Variants in DENND4C observed in about 807,000 individuals in gnomAD.
DENND4C encodes the protein DENN domain containing 4C, also known as DENN domain-containing protein 4C.
DENND4C carries 108 observed loss-of-function variants against 203.0 expected under a neutral mutation model. The ratio of observed to expected loss-of-function variants is 0.53; its 90% CI spans 0.46 to 0.62. DENND4C has a LOEUF of 0.62. DENND4C is among the 20% of genes least tolerant of loss of function. The pLI, the probability that DENND4C is intolerant of heterozygous loss-of-function variation, is 0.00. For missense variants in DENND4C, 2,481 were observed against 2,301.2 expected (o/e 1.08, Z -1.60); for synonymous variants, 871 against 792.4 (o/e 1.10, Z -1.67).
chr9:19,265,095 A>G (rs1830215814), intron 1 of DENND4C, among the ~76,000 whole-genome samples: 1 of 152,098 alleles, frequency 6.6e-6, no homozygotes, highest in South Asian at 2.1e-4. Flanking sequence ...AGCCACTGCC[A>G]CCTTGACCTC....
chr9:19,323,197 G>A (rs1843172745), intron 12 of DENND4C, among the ~76,000 whole-genome samples: 1 of 152,198 alleles, frequency 6.6e-6, no homozygotes, highest in Admixed American at 6.5e-5. Flanking sequence ...AACTTTGGGA[G>A]GCCAAGGCGG....
At chr9:19,319,377 C>CGT (rs1554634088) in intron 12 of DENND4C, among the ~76,000 whole-genome samples, 1 of 109,852 alleles carries the variant, frequency 9.1e-6, no homozygotes, top group African/African-American at 3.8e-5. Flanking sequence ...TATATATACA[C>CGT]ATACATATAT....
At chr9:19,354,016 C>T (rs939539750) in intron 26 of DENND4C, among the ~76,000 whole-genome samples, 2 of 152,164 alleles carry the variant, frequency 1.3e-5, no homozygotes, top group Admixed American at 6.5e-5. Flanking sequence ...AGGGCCCTCT[C>T]GTGTTTATCC....
chr9:19,304,234 G>T (rs552602129), intron 9 of DENND4C, among the ~76,000 whole-genome samples: 1 of 147,638 alleles, frequency 6.8e-6, no homozygotes, highest in South Asian at 2.1e-4. Flanking sequence ...GCCCAGGCTG[G>T]AGTGCAGTGG....
intron 20 of DENND4C, among the ~76,000 whole-genome samples, chr9:19,340,271 A>T (rs1289182617): frequency 6.6e-6 from 1 of 152,178 alleles, no homozygotes; most frequent in Middle Eastern, 3.2e-3. Flanking sequence ...TTTCTCTGTC[A>T]AAAACAAACC....
chr9:19,333,014 T>C (rs1819625096), intron 17 of DENND4C, among the ~76,000 whole-genome samples: 1 of 150,054 alleles, frequency 6.7e-6, no homozygotes, highest in Non-Finnish European at 1.5e-5. Context: ...TATTTAAAAA[T>C]ATATTTTTTA....
At chr9:19,370,814 G>A (rs1828689861) in intron 31 of DENND4C, among the ~76,000 whole-genome samples, 1 of 152,238 alleles carries the variant, frequency 6.6e-6, no homozygotes, top group African/African-American at 2.4e-5. Context: ...CTTCAGAATA[G>A]TGTGCGTAAT....
chr9:19,325,547 AATTAAAACT>A (rs1817643077), intron 13 of DENND4C, among the ~76,000 whole-genome samples: 1 of 152,146 alleles, frequency 6.6e-6, no homozygotes, highest in South Asian at 2.1e-4. Flanking sequence ...CCAGGGATAT[AATTAAAACT>A]ATTCAACATT....
At chr9:19,312,700 A>T (rs1840983812) in intron 10 of DENND4C, among the ~76,000 whole-genome samples, 1 of 152,102 alleles carries the variant, frequency 6.6e-6, no homozygotes, top group African/African-American at 2.4e-5. Flanking sequence ...TTTTATAGTT[A>T]TTTGGACATT....
At chr9:19,309,471 A>G (rs1346671997) in intron 10 of DENND4C, among the ~76,000 whole-genome samples, 1 of 152,146 alleles carries the variant, frequency 6.6e-6, no homozygotes, top group East Asian at 1.9e-4. Flanking sequence ...AATTCCGTGA[A>G]TATGATAAAA....
intron 1 of DENND4C, among the ~76,000 whole-genome samples, chr9:19,260,842 T>C (rs1829175022): frequency 2.6e-5 from 4 of 152,330 alleles, no homozygotes; most frequent in African/African-American, 9.6e-5. Flanking sequence ...CTATTTTTGC[T>C]TTGGTTACCT....
chr9:19,360,155 GGATA>G (rs1826162903), intron 28 of DENND4C, 85 bp from the exon 29 acceptor site: 2 of 1,327,590 alleles, frequency 1.5e-6, no homozygotes, highest in Non-Finnish European at 2.1e-6. Flanking sequence ...GATTTAAAAA[GGATA>G]GAGAGGCATT....
intron 9 of DENND4C, among the ~76,000 whole-genome samples, chr9:19,305,056 C>G (rs1049730659): frequency 2.0e-5 from 3 of 151,758 alleles, no homozygotes; most frequent in East Asian, 3.9e-4. Flanking sequence ...TATTTTGATT[C>G]TTTCCATAAA....
intron 15 of DENND4C, among the ~76,000 whole-genome samples, chr9:19,327,742 G>T (rs1818123737): frequency 6.6e-6 from 1 of 151,842 alleles, no homozygotes. Flanking sequence ...TGAATACATG[G>T]ATTATCTTGA....
intron 1 of DENND4C, among the ~76,000 whole-genome samples, chr9:19,236,971 T>C (rs952852899): frequency 6.6e-6 from 1 of 152,232 alleles, no homozygotes; most frequent in Non-Finnish European, 1.5e-5. Flanking sequence ...TCTTTCTTTT[T>C]CTTCCTTTTT....
chr9:19,352,000 A>G, intron 24 of DENND4C, 73 bp from the exon 25 acceptor site: 1 of 1,253,992 alleles, frequency 8.0e-7, no homozygotes, highest in South Asian at 1.2e-5. Context: ...TCCCCCCTAA[A>G]TACTTTGGCA....
intron 1 of DENND4C, among the ~76,000 whole-genome samples, chr9:19,239,977 GT>G (rs1364579977): frequency 1.3e-5 from 2 of 152,114 alleles, no homozygotes; most frequent in Non-Finnish European, 2.9e-5. Context: ...ATAATTTTCT[GT>G]TTACTTGTTC....
intron 2 of DENND4C, 103 bp downstream of exon 2, chr9:19,276,582 G>A: frequency 1.6e-6 from 1 of 622,568 alleles, no homozygotes. Flanking sequence ...ATTACTGATA[G>A]TTTATTATTA....
At chr9:19,284,673 A>G (rs1323095311) in intron 2 of DENND4C, among the ~76,000 whole-genome samples, 1 of 152,002 alleles carries the variant, frequency 6.6e-6, no homozygotes, top group Non-Finnish European at 1.5e-5. Context: ...GAGTAATTTC[A>G]TTGAGGTTAA....
Sources: allele counts gnomAD v4.1 joint callset (sites outside exome capture counted in the v4.1 genomes callset), GRCh38; gene constraint gnomAD v4.1.1; transcripts MANE v1.5; gene names NCBI Gene and HGNC (gene_info 2026-07-23, HGNC 2026-07-21).